Variants in ANK3 observed in about 807,000 individuals in gnomAD.
The protein encoded by ANK3 is ankyrin-3.
Under a neutral mutation model 370.9 loss-of-function variants are expected in ANK3, and 57 were observed. The ratio of observed to expected loss-of-function variants is 0.15; its 90% confidence interval spans 0.12 to 0.19. The LOEUF (loss-of-function observed/expected upper bound fraction) is 0.19. Ranked by LOEUF, ANK3 falls within the 10% of genes least tolerant of loss-of-function variation. ANK3 has a pLI of 1.00. For missense variants in ANK3, 4,439 were observed against 5,302.1 expected (o/e 0.84, Z 5.06); for synonymous variants, 1,929 against 1,946.3 (o/e 0.99, Z 0.23).
At chr10:60,676,884 G>A (rs918267733) in intron 1 of ANK3, among the ~76,000 whole-genome samples, 1 of 152,198 alleles carries the variant, frequency 6.6e-6, no homozygotes, top group South Asian at 2.1e-4. Flanking sequence ...ACAGCTAAAA[G>A]AGAAGACTTG....
At chr10:60,357,051 AT>A (rs1293648948) in intron 1 of ANK3, among the ~76,000 whole-genome samples, 1 of 152,042 alleles carries the variant, frequency 6.6e-6, no homozygotes, top group African/African-American at 2.4e-5. Context: ...TACTATTCCT[AT>A]CCTCATCACT....
rs761578179 is a variant in ANK3 at position 60,279,509 on chromosome 10, T to TA, written c.216+28dup. ...AAGTCTGGATTTTTAGAATTTTAAG[T>TA]AAAAAATTCAATAATAACTCCAGCT... On this transcript the variant is annotated intron_variant, in intron 2 of 43. Transcript: ENST00000280772. 4.5e-6 allele frequency: 7 copies of TA among 1,539,410 alleles called. 1 individual carries two copies. In the South Asian group the frequency reaches 8.4e-5, roughly 19 times the overall value.
intron 2 of ANK3, among the ~76,000 whole-genome samples, chr10:60,449,596 C>T (rs929945532): frequency 1.3e-5 from 2 of 152,184 alleles, no homozygotes; most frequent in African/African-American, 2.4e-5. Context: ...CACCTATTAG[C>T]TGTGTGACTT....
At chr10:60,379,657 C>A (rs1337434282) in intron 1 of ANK3, among the ~76,000 whole-genome samples, 2 of 150,908 alleles carry the variant, frequency 1.3e-5, no homozygotes, top group African/African-American at 4.9e-5. Flanking sequence ...TACGCAGACA[C>A]TAAAAAAAAA....
chr10:60,079,219 A>ACACACACACACACC (rs2084583346), intron 36 of ANK3, among the ~76,000 whole-genome samples: 1 of 144,502 alleles, frequency 6.9e-6, no homozygotes, highest in African/African-American at 2.6e-5. Flanking sequence ...ACACACACAC[A>ACACACACACACACC]CACACACCCC....
At chr10:60,626,013 A>G (rs1346566130) in intron 1 of ANK3, among the ~76,000 whole-genome samples, 1 of 152,216 alleles carries the variant, frequency 6.6e-6, no homozygotes, top group African/African-American at 2.4e-5. Context: ...TCTTTATTGA[A>G]CAAGAAAAGA....
At chr10:60,295,834 T>G (rs2042383113) in intron 1 of ANK3, among the ~76,000 whole-genome samples, 1 of 152,192 alleles carries the variant, frequency 6.6e-6, no homozygotes, top group South Asian at 2.1e-4. Context: ...ATTTATCTTA[T>G]GAAACATAAC....
At chr10:60,089,077 T>C (rs915923837) in intron 28 of ANK3, among the ~76,000 whole-genome samples, 1 of 152,226 alleles carries the variant, frequency 6.6e-6, no homozygotes, top group African/African-American at 2.4e-5. Context: ...CAGAACTTCA[T>C]TTAAAAACCT....
chr10:60,490,215 C>G (rs1265578875), intron 2 of ANK3, among the ~76,000 whole-genome samples: 2 of 152,182 alleles, frequency 1.3e-5, no homozygotes, highest in Admixed American at 1.3e-4. Flanking sequence ...AGTGAAAGCT[C>G]TACACCAGTG....
chr10:60,357,556 A>ACCTAGGTCTGGC (rs11273202), intron 1 of ANK3, among the ~76,000 whole-genome samples: 5 of 151,774 alleles, frequency 3.3e-5, no homozygotes, highest in African/African-American at 1.2e-4. Flanking sequence ...ATCGAGTTGC[A>ACCTAGGTCTGGC]CAGTTGAATA....
chr10:60,426,993 C>G lies in ANK3; in HGVS notation c.97-147354G>C, dbSNP rs78664935. Among the ~76,000 whole-genome samples, 1,104 of 152,252 alleles carry G rather than the reference C, an allele frequency of 7.3e-3. 14 individuals carry two copies. The highest frequency in any genetic ancestry group is 0.025 in the African/African-American group (1,042 of 41,546). On this transcript the variant is annotated intron_variant, in intron 2 of 43. Transcript: ENST00000373827. ...TTCTGTAAAACTGAGAGGACCCAAT[C>G]TGATGCTTCGAATTCCTTTCCTGCT...
At chr10:60,702,202 G>A (rs1012235814) in intron 1 of ANK3, among the ~76,000 whole-genome samples, 1 of 151,726 alleles carries the variant, frequency 6.6e-6, no homozygotes, top group Non-Finnish European at 1.5e-5. Context: ...GGAGGGTGAG[G>A]CTGCAAAAAG....
intron 28 of ANK3, among the ~76,000 whole-genome samples, chr10:60,104,925 C>A (rs1224297977): frequency 6.6e-6 from 1 of 152,196 alleles, no homozygotes; most frequent in East Asian, 1.9e-4. Context: ...AAGACAGGCT[C>A]ACAGAGTTCA....
chr10:60,040,073 C>T (rs574215820), intron 43 of ANK3, among the ~76,000 whole-genome samples: 58 of 152,272 alleles, frequency 3.8e-4, no homozygotes, highest in African/African-American at 1.3e-3. Flanking sequence ...TGTAAAAGTA[C>T]TTTGTAAACT....
chr10:60,337,616 C>G (rs556614289), intron 1 of ANK3, among the ~76,000 whole-genome samples: 19 of 152,098 alleles, frequency 1.2e-4, no homozygotes, highest in Middle Eastern at 3.2e-3. Context: ...CTCTCAGTGA[C>G]GTCTCTTTTA....
At position 60,088,198 on chromosome 10, in the gene ANK3, T is replaced by C. The variant is rs1411646004; in HGVS notation, c.3489A>G (p.Gln1163=). The change falls in exon 29 of 44, where the codon CAA becomes CAG. Residue 1163 remains glutamine (Q), a synonymous_variant. Coordinates refer to ENST00000280772, the MANE Select transcript of ANK3 (RefSeq NM_020987.5). The part of the protein sequence containing the change: ...ILSSTTVPLV[Q]ASFPEGALTK... Reference sequence around the variant, plus strand: ...TTAGGGCACCCTCTGGGAAAGATGCTTGAACAAGGGGCACTGTGGTGCTGC... The same window carrying C: ...TTAGGGCACCCTCTGGGAAAGATGCCTGAACAAGGGGCACTGTGGTGCTGC... 2.5e-6 allele frequency: 4 copies of C among 1,614,054 alleles called. No individual in the cohort carries two copies. In the African/African-American group the frequency reaches 4.0e-5, roughly 16 times the overall value.
At chr10:60,060,015 G>T (rs762780308) in intron 40 of ANK3, 1 of 1,560,002 alleles carries the variant, frequency 6.4e-7, no homozygotes, top group Non-Finnish European at 8.7e-7. Context: ...ACCTATGGAA[G>T]ACAGTACATT....
At chr10:60,427,535 A>C (rs1444215311) in intron 2 of ANK3, among the ~76,000 whole-genome samples, 2 of 152,146 alleles carry the variant, frequency 1.3e-5, no homozygotes, top group East Asian at 3.8e-4. Context: ...CCTAAAAAAA[A>C]AAACCTCAGG....
At position 60,175,679 on chromosome 10, in the gene ANK3, T is replaced by A. The variant is rs986870956; in HGVS notation, c.2185-2493A>T. On this transcript the variant is annotated intron_variant, in intron 18 of 43. Coordinates refer to ENST00000280772, the MANE Select transcript of ANK3 (RefSeq NM_020987.5). Reference sequence around the variant, plus strand: ...GATTACCAAGTAGTAGATGTTTACATCCATTCACTGATAAGACTGCACTTC... The same window carrying A: ...GATTACCAAGTAGTAGATGTTTACAACCATTCACTGATAAGACTGCACTTC... Among the ~76,000 whole-genome samples the A allele has an allele frequency of 2.6e-5, 4 of 152,324 alleles. No individual in the cohort carries two copies. In the East Asian group the frequency reaches 5.8e-4, roughly 22 times the overall value.
Sources: gnomAD v4.1 joint callset for allele counts (sites outside exome capture counted in the v4.1 genomes callset) on GRCh38, gnomAD v4.1.1 for gene constraint, MANE v1.5 for transcripts, NCBI Gene and HGNC (gene_info 2026-07-23, HGNC 2026-07-21) for gene names.